DSCAML1: variants seen among roughly 807,000 people sequenced by gnomAD.
The protein encoded by DSCAML1 is cell adhesion molecule DSCAML1.
Under a neutral mutation model 200.5 loss-of-function variants are expected in DSCAML1, and 38 were observed. That is an observed-to-expected ratio of 0.19 (90% CI 0.15 to 0.25). DSCAML1 has a LOEUF of 0.25. DSCAML1 is among the 10% of genes least tolerant of loss of function. DSCAML1 has a pLI of 1.00. For missense variants in DSCAML1, 2,223 were observed against 2,858.8 expected (o/e 0.78, Z 5.07); for synonymous variants, 1,215 against 1,165.0 (o/e 1.04, Z -0.87).
intron 3 of DSCAML1, among the ~76,000 whole-genome samples, chr11:117,534,249 T>A (rs2050128430): frequency 6.6e-6 from 1 of 152,194 alleles, no homozygotes; most frequent in Admixed American, 6.5e-5. Context: ...TCTCAGCACC[T>A]GGAGGTGGGG....
intron 3 of DSCAML1, among the ~76,000 whole-genome samples, chr11:117,544,020 A>G (rs2050322400): frequency 6.6e-6 from 1 of 152,100 alleles, no homozygotes; most frequent in Non-Finnish European, 1.5e-5. Flanking sequence ...CCCAGTAGGC[A>G]ATGGGGGATA....
In DSCAML1 at chr11:117,503,883, C is replaced by T; in HGVS notation, c.2321G>A (p.Gly774Asp). 1.9e-6 allele frequency: 3 copies of T among 1,614,118 alleles called. No homozygotes were observed. The highest frequency in any genetic ancestry group is 1.7e-6 in the Non-Finnish European group (2 of 1,180,014). ...GAACATGGACTTGCTGATGTCGGTG[C>T]CTACGCCGTTGCTGGCCTGGCAGAG... ...YYLCQASNGV[G>D]TDISKSMFLT... Residue 774 changes from glycine (G) to aspartate (D), a missense_variant, in exon 11 of 33, where the codon GGC (glycine) becomes GAC (aspartate). Around this residue, in one of 7 missense-constraint regions of DSCAML1, gnomAD observed 4 missense variants for 26.4 expected, o/e 0.15. Coordinates refer to ENST00000651296, the MANE Select transcript of DSCAML1 (RefSeq NM_020693.4). This position sits in a 1 kb window ranked among gnomAD's most constrained non-coding sequence, Gnocchi z 5.2.
intron 3 of DSCAML1, among the ~76,000 whole-genome samples, chr11:117,625,950 C>T (rs1452074062): frequency 1.3e-5 from 2 of 152,214 alleles, no homozygotes; most frequent in African/African-American, 2.4e-5. Flanking sequence ...ATGACAGAAG[C>T]GCTGGTCCCA....
chr11:117,460,175 C>T (rs1009939657), intron 18 of DSCAML1, among the ~76,000 whole-genome samples: 1 of 152,262 alleles, frequency 6.6e-6, no homozygotes, highest in Non-Finnish European at 1.5e-5. Context: ...CCACCCTTTA[C>T]TTGGTTCCAC....
At position 117,524,846 on chromosome 11, in the gene DSCAML1, G is replaced by T. The variant is rs1439007141; in HGVS notation, c.896C>A (p.Thr299Asn). ...SGTYICEVTN[T>N]FGSAEATGIL... ...GCCTGTGGCCTCTGCCGAACCGAAG[G>T]TGTTGGTGACCTCACAAATGTAGGT... The change falls in exon 5 of 33, where the codon ACC becomes AAC. Residue 299 changes from threonine to asparagine, a missense_variant. Physicochemically the swap from Thr to Asn is moderately conservative, Grantham distance 65. Transcript: ENST00000651296. 6.3e-7 allele frequency: 1 copy of T among 1,597,728 alleles called. No homozygotes were observed. Among genetic ancestry groups the T allele is most frequent in the Non-Finnish European group, 8.5e-7 (1 of 1,171,662 alleles).
intron 3 of DSCAML1, among the ~76,000 whole-genome samples, chr11:117,750,885 A>C (rs1007173071): frequency 4.6e-5 from 7 of 152,166 alleles, no homozygotes; most frequent in Admixed American, 3.3e-4. Context: ...TACAAATGGC[A>C]GTAGGTTTCC....
intron 3 of DSCAML1, among the ~76,000 whole-genome samples, chr11:117,730,996 G>T (rs1244580245): frequency 6.6e-6 from 1 of 152,188 alleles, no homozygotes; most frequent in South Asian, 2.1e-4. Context: ...GTCAGGGAAA[G>T]GGATGGGGGA....
chr11:117,627,771 G>A (rs1400306400), intron 3 of DSCAML1, among the ~76,000 whole-genome samples: 2 of 152,130 alleles, frequency 1.3e-5, no homozygotes, highest in African/African-American at 2.4e-5. Context: ...CGGCTGAGCT[G>A]GGATGGGCAT....
rs778812485 is a variant in DSCAML1, at chr11:117,458,782, A to G, written c.3540T>C (p.Ser1180=). ...CCTCCTTGGTCTGGATGTAGAGCACACTGCTGCGTACGCCGTCCCCAGCCT... is the reference window on the plus strand; with the variant it reads ...CCTCCTTGGTCTGGATGTAGAGCACGCTGCTGCGTACGCCGTCCCCAGCCT... ...YTQAGDGVRS[S]VLYIQTKEDV... is the part of the protein sequence containing the mutation. Residue 1180 remains serine, a synonymous_variant, in exon 19 of 33, where the codon AGT becomes AGC. Coordinates refer to ENST00000651296, the MANE Select transcript of DSCAML1 (RefSeq NM_020693.4). 4.3e-6 allele frequency: 7 copies of G among 1,613,612 alleles called. No homozygotes were observed. In the African/African-American group the frequency reaches 9.3e-5, roughly 22 times the overall value.
chr11:117,703,284 C>A (rs540458088), intron 3 of DSCAML1, among the ~76,000 whole-genome samples: 2 of 152,174 alleles, frequency 1.3e-5, no homozygotes, highest in Admixed American at 6.5e-5. Flanking sequence ...CTTCACCACC[C>A]GCCTAACACT....
chr11:117,563,355 C>T (rs2050699139), intron 3 of DSCAML1, among the ~76,000 whole-genome samples: 2 of 152,166 alleles, frequency 1.3e-5, no homozygotes, highest in African/African-American at 2.4e-5. Context: ...CTCAGCTTGG[C>T]CCTCCAGTTC....
Position 117,428,583 on chromosome 11 carries a change from T to C in DSCAML1, c.5907A>G (p.Leu1969=), listed in dbSNP as rs771099625. Residue 1969 remains leucine (L), a synonymous_variant, in exon 33 of 33, where the codon TTA becomes TTG. Coordinates refer to ENST00000651296, the MANE Select transcript of DSCAML1 (RefSeq NM_020693.4). ...CTGGCATGGCCAGAGTCCTCTGAGG[T>C]AAGGTGGCTGTGGAGGCGGCAGCGG... The part of the protein sequence containing the change: ...GAPAAASTAT[L]PQRTLAMPAP... The C allele has an allele frequency of 2.5e-6, 4 of 1,588,628 alleles. No homozygotes were observed. The South Asian group carries it at 4.6e-5, about 18-fold the overall frequency.
chr11:117,796,020 G>T (rs931784259), intron 1 of DSCAML1, among the ~76,000 whole-genome samples: 1 of 152,334 alleles, frequency 6.6e-6, no homozygotes, highest in East Asian at 1.9e-4. Flanking sequence ...GAGTTCGGCC[G>T]CCTCATCTCC....
At chr11:117,597,655 C>T (rs2051387382) in intron 3 of DSCAML1, among the ~76,000 whole-genome samples, 1 of 152,136 alleles carries the variant, frequency 6.6e-6, no homozygotes, top group South Asian at 2.1e-4. Context: ...GGGGTTTCAT[C>T]ATGTTGGCCA....
intron 3 of DSCAML1, among the ~76,000 whole-genome samples, chr11:117,626,053 G>A (rs1484773987): frequency 6.6e-6 from 1 of 152,186 alleles, no homozygotes; most frequent in Non-Finnish European, 1.5e-5. Context: ...GTGCAGCTGG[G>A]TTTCCCACAG....
At chr11:117,735,615 T>C (rs897590394) in intron 3 of DSCAML1, among the ~76,000 whole-genome samples, 1 of 152,234 alleles carries the variant, frequency 6.6e-6, no homozygotes, top group Admixed American at 6.5e-5. Context: ...GAATATCTTT[T>C]TCTTTCCCAG....
chr11:117,753,196 C>G (rs1193069773), intron 3 of DSCAML1, among the ~76,000 whole-genome samples: 1 of 152,208 alleles, frequency 6.6e-6, no homozygotes, highest in Admixed American at 6.5e-5. Context: ...AAATGATCTA[C>G]AGAGCACTTA....
intron 3 of DSCAML1, among the ~76,000 whole-genome samples, chr11:117,754,134 G>A (rs1485304161): frequency 6.6e-6 from 1 of 152,168 alleles, no homozygotes; most frequent in African/African-American, 2.4e-5. Context: ...GGGGAGGGGG[G>A]TAGAAAGCCC....
At chr11:117,497,351 GAGCCTGC>G (rs765286226) in intron 11 of DSCAML1, among the ~76,000 whole-genome samples, 146 of 152,304 alleles carry the variant, frequency 9.6e-4, no homozygotes, top group Non-Finnish European at 6.0e-4. Context: ...AGGGTGGGGA[GAGCCTGC>G]AGCTGGCTCA....
Sources: gnomAD v4.1 joint callset for allele counts (sites outside exome capture counted in the v4.1 genomes callset) on GRCh38, gnomAD v4.1.1 for gene constraint, gnomAD v4.1.1 regional missense constraint, Gnocchi (gnomAD v3.1) non-coding constraint, MANE v1.5 for transcripts, NCBI Gene and HGNC (gene_info 2026-07-23, HGNC 2026-07-21) for gene names.